Variants in CA9 observed in about 807,000 individuals in gnomAD.
The protein encoded by CA9 is carbonic anhydrase 9.
CA9 carries 43 observed loss-of-function variants against 51.8 expected under a neutral mutation model. That is an observed-to-expected ratio of 0.83 (90% CI 0.65 to 1.07). CA9 has a LOEUF of 1.07. CA9 is among the 50% of genes least tolerant of loss of function. The pLI, the probability that CA9 is intolerant of heterozygous loss-of-function variation, is 0.00. For synonymous variants in CA9, 253 were observed against 244.2 expected (o/e 1.04, Z -0.34); for missense variants, 574 against 581.4 (o/e 0.99, Z 0.13).
At position 35,681,075 on chromosome 9, in the gene CA9, G is replaced by A. The variant is rs774759601; in HGVS notation, c.*50G>A. 2 of 1,549,694 alleles carry A rather than the reference G, an allele frequency of 1.3e-6. No individual in the cohort carries two copies. The highest frequency in any genetic ancestry group is 4.5e-5 in the East Asian group (2 of 44,562). On this transcript the variant is annotated 3_prime_UTR_variant, in exon 11 of 11. Transcript: ENST00000378357. ...AAGCCAGCCAGAGGCATCTGAGGGG[G>A]AGCCGGTAACTGTCCTGTCCTGCTC...
At chr9:35,676,418 C>T (rs1824424527) in intron 5 of CA9, 29 bp downstream of exon 5, 1 of 1,559,340 alleles carries the variant, frequency 6.4e-7, no homozygotes, top group Non-Finnish European at 8.8e-7. Context: ...CCCCTACTCC[C>T]CGCTTTCCCA....
At chr9:35,675,079 CTCCCGG>C (rs1168365734) in intron 1 of CA9, 2 of 161,632 alleles carry the variant, frequency 1.2e-5, no homozygotes, top group Non-Finnish European at 2.7e-5. Flanking sequence ...CAACCTCCAC[CTCCCGG>C]GTTCAAGTGA....
chr9:35,678,642 T>C (rs1365667320), intron 6 of CA9, among the ~76,000 whole-genome samples: 2 of 151,768 alleles, frequency 1.3e-5, no homozygotes, highest in African/African-American at 4.8e-5. Flanking sequence ...CTGTTTTGTA[T>C]AGTTATCAAT....
At chr9:35,680,877 CT>C in intron 10 of CA9, 43 bp downstream of exon 10, 1 of 1,610,586 alleles carries the variant, frequency 6.2e-7, no homozygotes, top group East Asian at 2.2e-5. Flanking sequence ...TTCCCCCACC[CT>C]TGTGGAGTCA....
chr9:35,679,470 G>C, intron 7 of CA9, 128 bp downstream of exon 7: 1 of 1,195,360 alleles, frequency 8.4e-7, no homozygotes, highest in East Asian at 2.5e-5. Flanking sequence ...CACCACGTTG[G>C]GAGGCTGAGG....
In CA9 at chr9:35,679,941, G is replaced by C. The variant is rs140019091; in HGVS notation, c.1153G>C (p.Val385Leu). ...AGCGACGCAGCCTTTGAATGGGCGA[G>C]TGATTGAGGCCTCCTTCCCTGCTGG... Reference protein sequence around the residue: ...FRATQPLNGRVIEASFPAGVD... With the variant: ...FRATQPLNGRLIEASFPAGVD... The change falls in exon 8 of 11, where the codon GTG becomes CTG. Residue 385 changes from valine (V) to leucine (L), a missense_variant. Coordinates refer to ENST00000378357, the MANE Select transcript of CA9 (RefSeq NM_001216.3). 6.2e-7 allele frequency: 1 copy of C among 1,614,144 alleles called. No homozygotes were observed. Among genetic ancestry groups the C allele is most frequent in the Non-Finnish European group, 8.5e-7 (1 of 1,180,006 alleles).
rs563991798 is a variant in CA9, at chr9:35,677,878, C to G, written c.907+22C>G. 6.8e-6 allele frequency: 11 copies of G among 1,607,662 alleles called. No individual in the cohort carries two copies. The East Asian group carries it at 2.2e-4, about 33-fold the overall frequency. ...GAAGGTCAGTTTGTTGGTCTGGCCA[C>G]TAATCTCTGTGGCCTAGTTCATAAA... On this transcript the variant is annotated intron_variant, in intron 6 of 10. Transcript: ENST00000378357.
At chr9:35,678,728 G>A in intron 6 of CA9, among the ~76,000 whole-genome samples, 2 of 133,550 alleles carry the variant, frequency 1.5e-5, no homozygotes, top group South Asian at 2.3e-4. Context: ...ATCTTTAGTA[G>A]AGACAGGGTT....
At chr9:35,676,031 G>C in intron 3 of CA9, 33 bp from the exon 4 acceptor site, 1 of 1,610,022 alleles carries the variant, frequency 6.2e-7, no homozygotes, top group Non-Finnish European at 8.5e-7. Context: ...GCCCTACCGG[G>C]CGGGGCCGGC....
intron 5 of CA9, among the ~76,000 whole-genome samples, chr9:35,676,792 G>T (rs1824431927): frequency 6.6e-6 from 1 of 152,180 alleles, no homozygotes; most frequent in African/African-American, 2.4e-5. Context: ...CATACACCAT[G>T]ATTAGAGGAG....
chr9:35,675,041 A>C, intron 1 of CA9: 1 of 143,790 alleles, frequency 7.0e-6, no homozygotes, highest in Non-Finnish European at 1.5e-5. Flanking sequence ...CCCAGGCTGG[A>C]GTGCAATGGC....
In CA9 at chr9:35,675,943, T is replaced by G. The variant is rs770182337; in HGVS notation, c.604+12T>G. ...CAATGGCCACAGTGGTGAGGGGGTC[T>G]CCCCGCCGAGACTTGGGGATGGGGC... On this transcript the variant is annotated intron_variant, in intron 3 of 10. Coordinates refer to ENST00000378357, the MANE Select transcript of CA9 (RefSeq NM_001216.3). 3 of 1,585,210 alleles carry G rather than the reference T, an allele frequency of 1.9e-6. No homozygotes were observed. Among genetic ancestry groups the G allele is most frequent in the African/African-American group, 2.7e-5 (2 of 74,588 alleles).
rs1309159213 is a variant in CA9 at position 35,680,769 on chromosome 9, G to A, written c.1254G>A (p.Leu418=). Reference sequence around the variant, plus strand: ...CCATCGCAGGTGACATCCTAGCCCTGGTTTTTGGCCTCCTTTTTGCTGTCA... The same window carrying A: ...CCATCGCAGGTGACATCCTAGCCCTAGTTTTTGGCCTCCTTTTTGCTGTCA... ...SCLAAGDILA[L]VFGLLFAVTS... is the part of the protein sequence containing the mutation. The change falls in exon 10 of 11, where the codon CTG becomes CTA. Residue 418 remains leucine (L), a synonymous_variant. Coordinates refer to ENST00000378357, the MANE Select transcript of CA9 (RefSeq NM_001216.3). The A allele has an allele frequency of 3.7e-6, 6 of 1,614,186 alleles. No individual in the cohort carries two copies. Among genetic ancestry groups the A allele is most frequent in the Non-Finnish European group, 4.2e-6 (5 of 1,180,024 alleles).
At chr9:35,675,974 G>T (rs760399119) in intron 3 of CA9, 43 bp downstream of exon 3, 31 of 1,600,224 alleles carry the variant, frequency 1.9e-5, no homozygotes, top group Admixed American at 6.8e-5. Flanking sequence ...GGGGCGGGGC[G>T]CAGGGAAGGG....
intron 1 of CA9, chr9:35,674,628 A>G: frequency 2.5e-6 from 1 of 399,006 alleles, no homozygotes; most frequent in South Asian, 4.9e-5. Flanking sequence ...AGAGAAAGGG[A>G]TGAGAACTGC....
chr9:35,675,495 T>G, intron 1 of CA9, 43 bp from the exon 2 acceptor site: 1 of 1,612,192 alleles, frequency 6.2e-7, no homozygotes. Context: ...AGGAAGGGAT[T>G]GGGGCTCTAA....
rs1314989404 is a variant in CA9, at chr9:35,679,896, C to T, written c.1108C>T (p.Arg370Trp). The T allele has an allele frequency of 8.7e-6, 14 of 1,613,070 alleles. No homozygotes were observed. Among genetic ancestry groups the T allele is most frequent in the East Asian group, 4.5e-5 (2 of 44,890 alleles). ...SDTLWGPGDSRLQLNFRATQP... is the reference protein window; with the variant it reads ...SDTLWGPGDSWLQLNFRATQP... Reference sequence around the variant, plus strand: ...CACCCTGTGGGGACCTGGTGACTCTCGGCTACAGCTGAACTTCCGAGCGAC... The same window carrying T: ...CACCCTGTGGGGACCTGGTGACTCTTGGCTACAGCTGAACTTCCGAGCGAC... Residue 370 changes from arginine to tryptophan, a missense_variant, in exon 8 of 11, where the codon CGG (arginine) becomes TGG (tryptophan). By Grantham distance (101) the Arg-to-Trp change is moderately radical. Coordinates refer to ENST00000378357, the MANE Select transcript of CA9 (RefSeq NM_001216.3).
Position 35,676,339 on chromosome 9 carries a change from G to T in CA9, c.790G>T (p.Glu264Ter). 6.2e-7 allele frequency: 1 copy of T among 1,614,050 alleles called. No individual in the cohort carries two copies. Among genetic ancestry groups the T allele is most frequent in the East Asian group, 2.2e-5 (1 of 44,870 alleles). The stretch of plus-strand genomic sequence containing the variant: ...CAGCACCGCCTTTGCCAGAGTTGAC[G>T]AGGCCTTGGGGCGCCCGGGAGGCCT... ...HLSTAFARVD[E>*]ALGRPGGLAV... The change falls in exon 5 of 11, where the codon GAG becomes TAG. Residue 264 changes from glutamate to a stop codon, truncating the protein, a stop_gained. Transcript: ENST00000378357. LOFTEE classifies it high-confidence loss of function.
At chr9:35,675,662 A>AC in intron 2 of CA9, 95 bp downstream of exon 2, 29 of 846,058 alleles carry the variant, frequency 3.4e-5, no homozygotes, top group Admixed American at 5.9e-5. Context: ...CGGGCGTCCC[A>AC]CCCGCCGCCC....
Sources: gnomAD v4.1 joint callset for allele counts (sites outside exome capture counted in the v4.1 genomes callset) on GRCh38, gnomAD v4.1.1 for gene constraint, MANE v1.5 for transcripts, NCBI Gene and HGNC (gene_info 2026-07-23, HGNC 2026-07-21) for gene names.